KATNIP: variants seen among roughly 807,000 people sequenced by gnomAD.
KATNIP encodes the protein katanin-interacting protein.
A neutral mutation model predicts 174.0 loss-of-function variants in KATNIP; 126 were observed. The ratio of observed to expected loss-of-function variants is 0.72; its 90% CI spans 0.63 to 0.84. KATNIP has a LOEUF of 0.84. KATNIP is among the 40% of genes least tolerant of loss of function. The pLI is 0.00. For synonymous variants in KATNIP, 810 were observed against 835.7 expected, an observed-to-expected ratio of 0.97 and a Z score of 0.53; for missense variants, 1,958 against 2,109.7, an observed-to-expected ratio of 0.93 and a Z score of 1.41.
At chr16:27,628,857 C>G in intron 4 of KATNIP, 27 bp downstream of exon 4, 1 of 1,611,468 alleles carries the variant, frequency 6.2e-7, no homozygotes, top group East Asian at 2.2e-5. Context: ...CAGGCTGAGT[C>G]TCAGCTCTGT....
intron 13 of KATNIP, among the ~76,000 whole-genome samples, chr16:27,712,769 T>C (rs2079632086): frequency 6.6e-6 from 1 of 152,106 alleles, no homozygotes; most frequent in Admixed American, 6.5e-5. Context: ...CTGCTTGACA[T>C]CTCTTGGATC....
At chr16:27,642,782 T>C (rs1597035787) in intron 5 of KATNIP, among the ~76,000 whole-genome samples, 1 of 150,914 alleles carries the variant, frequency 6.6e-6, no homozygotes, top group African/African-American at 2.4e-5. Context: ...TTTTTTTTTT[T>C]TTTTTTGTGG....
chr16:27,627,644 G>A (rs1448208295), intron 3 of KATNIP, among the ~76,000 whole-genome samples: 2 of 152,158 alleles, frequency 1.3e-5, no homozygotes, highest in Admixed American at 6.5e-5. Context: ...AATGAGAATC[G>A]ACTTTAGGTT....
chr16:27,740,798 A>G lies in KATNIP; in HGVS notation c.2501A>G (p.His834Arg), dbSNP rs1290889840. 5 of 1,614,068 alleles carry G rather than the reference A, an allele frequency of 3.1e-6. No homozygotes were observed. The highest frequency in any genetic ancestry group is 4.2e-6 in the Non-Finnish European group (5 of 1,180,024). ...CCCCAGAGGGCAACCACCAAAGTCCACAGTGATGACTCAGACATCTTTAAC... is the reference window on the plus strand; with the variant it reads ...CCCCAGAGGGCAACCACCAAAGTCCGCAGTGATGACTCAGACATCTTTAAC... The part of the protein sequence containing the change: ...ERPQRATTKV[H>R]SDDSDIFNQP... The change falls in exon 15 of 28, where the codon CAC becomes CGC. Residue 834 changes from histidine to arginine, a missense_variant. This residue lies in a region of KATNIP where 1,557 missense variants were observed against 1,617.8 expected (regional missense o/e 0.96). Transcript: ENST00000261588.
At chr16:27,683,683 G>C (rs1276559084) in intron 8 of KATNIP, among the ~76,000 whole-genome samples, 1 of 152,176 alleles carries the variant, frequency 6.6e-6, no homozygotes, top group Non-Finnish European at 1.5e-5. Flanking sequence ...ATGGGAGCTG[G>C]GAAAGGGAGA....
intron 5 of KATNIP, among the ~76,000 whole-genome samples, chr16:27,640,772 G>A (rs1262328962): frequency 6.7e-6 from 1 of 149,404 alleles, no homozygotes; most frequent in Non-Finnish European, 1.5e-5. Context: ...CCTTAATGCC[G>A]ACTGCAAACC....
At chr16:27,660,636 CT>C (rs367915880) in intron 6 of KATNIP, among the ~76,000 whole-genome samples, 93 of 142,202 alleles carry the variant, frequency 6.5e-4, no homozygotes, top group African/African-American at 6.2e-4. Flanking sequence ...CATATCAGTA[CT>C]TTTTTTTTTT....
intron 13 of KATNIP, among the ~76,000 whole-genome samples, chr16:27,717,766 C>T (rs1428334814): frequency 6.6e-6 from 1 of 152,108 alleles, no homozygotes; most frequent in Non-Finnish European, 1.5e-5. Context: ...CTTTTTGTGG[C>T]CTCCAGGGCC....
chr16:27,688,008 C>T (rs756371253), intron 8 of KATNIP, among the ~76,000 whole-genome samples: 2 of 152,190 alleles, frequency 1.3e-5, no homozygotes, highest in African/African-American at 4.8e-5. Flanking sequence ...GTAGAATTGG[C>T]CTCAGGGATG....
intron 4 of KATNIP, among the ~76,000 whole-genome samples, chr16:27,629,552 A>G (rs541223008): frequency 6.6e-6 from 1 of 152,348 alleles, no homozygotes; most frequent in East Asian, 1.9e-4. Context: ...CACGTGCCCT[A>G]TAAGAAAACC....
chr16:27,742,694 G>A (rs908714016), intron 15 of KATNIP, among the ~76,000 whole-genome samples: 2 of 152,288 alleles, frequency 1.3e-5, no homozygotes, highest in Non-Finnish European at 2.9e-5. Flanking sequence ...GATCATACTT[G>A]TGGGGCATTT....
chr16:27,772,146 G>A (rs1392727624), intron 22 of KATNIP, among the ~76,000 whole-genome samples: 1 of 152,148 alleles, frequency 6.6e-6, no homozygotes, highest in African/African-American at 2.4e-5. Context: ...GGTGGTACAT[G>A]CCCATAGTCC....
chr16:27,598,019 G>C (rs564042868), intron 2 of KATNIP, among the ~76,000 whole-genome samples: 85 of 152,242 alleles, frequency 5.6e-4, no homozygotes, highest in African/African-American at 1.9e-3. Context: ...TCTGAGCTCG[G>C]AAGTTCAAGA....
At chr16:27,698,685 G>T (rs1246433757) in intron 9 of KATNIP, among the ~76,000 whole-genome samples, 185 bp downstream of exon 9, 1 of 152,312 alleles carries the variant, frequency 6.6e-6, no homozygotes, top group East Asian at 1.9e-4. Context: ...CTTTTCTTCC[G>T]CCTTCTTTTA....
In KATNIP at chr16:27,761,394, A is replaced by C. The variant is rs1225643919; in HGVS notation, c.3632-19A>C. The C allele has an allele frequency of 1.9e-6, 3 of 1,594,696 alleles. No individual in the cohort carries two copies. Among genetic ancestry groups the C allele is most frequent in the African/African-American group, 1.4e-5 (1 of 73,876 alleles). On this transcript the variant is annotated intron_variant, in intron 18 of 27. Transcript: ENST00000261588. ...CTGGAGCCTCTGGTGCTAATGGGCC[A>C]CTTCTCTTCCTGTTGCAGGCCTTCA...
intron 12 of KATNIP, among the ~76,000 whole-genome samples, chr16:27,705,864 G>A (rs1198426733): frequency 9.9e-5 from 15 of 151,928 alleles, no homozygotes; most frequent in Admixed American, 9.8e-4. Context: ...ATTTTGTAGA[G>A]ATGAATCCTT....
chr16:27,691,361 C>T (rs929107973), intron 8 of KATNIP, among the ~76,000 whole-genome samples: 3 of 152,174 alleles, frequency 2.0e-5, no homozygotes, highest in South Asian at 4.2e-4. Context: ...GGATGGTTCT[C>T]AACCAGAAAA....
intron 13 of KATNIP, among the ~76,000 whole-genome samples, chr16:27,715,289 C>T (rs542445125): frequency 3.5e-4 from 53 of 152,292 alleles, no homozygotes; most frequent in African/African-American, 1.2e-3. Flanking sequence ...AAAACTAACT[C>T]AATGGATCAA....
At chr16:27,771,765 T>C in intron 22 of KATNIP, 113 bp downstream of exon 22, 2 of 1,125,686 alleles carry the variant, frequency 1.8e-6, no homozygotes, top group South Asian at 2.8e-5. Flanking sequence ...TGGAACTCCA[T>C]GCAAGGAAAC....
Sources: gnomAD v4.1 joint callset for allele counts (sites outside exome capture counted in the v4.1 genomes callset) on GRCh38, gnomAD v4.1.1 for gene constraint, gnomAD v4.1.1 regional missense constraint, MANE v1.5 for transcripts, NCBI Gene and HGNC (gene_info 2026-07-23, HGNC 2026-07-21) for gene names.